The following MTUS1 variants were observed in gnomAD, a reference collection of about 807,000 sequenced individuals.
The protein encoded by MTUS1 is microtubule-associated tumor suppressor 1.
A neutral mutation model predicts 120.8 loss-of-function variants in MTUS1; 109 were observed. The observed-to-expected ratio is 0.90, with a 90% CI of 0.77 to 1.06. The LOEUF (loss-of-function observed/expected upper bound fraction) is 1.06. MTUS1 is among the 50% of genes least tolerant of loss of function. The pLI is 0.00. For synonymous variants in MTUS1, 737 were observed against 550.5 expected (o/e 1.34, Z -4.74); for missense variants, 2,210 against 1,486.3 (o/e 1.49, Z -8.01).
chr8:17,660,464 T>G (rs1405168269), intron 8 of MTUS1, among the ~76,000 whole-genome samples: 2 of 152,196 alleles, frequency 1.3e-5, no homozygotes, highest in Non-Finnish European at 2.9e-5. Context: ...CCTCCACCTT[T>G]GGCTACTGTG....
chr8:17,714,594 A>C (rs1821949235), intron 5 of MTUS1, among the ~76,000 whole-genome samples: 1 of 152,236 alleles, frequency 6.6e-6, no homozygotes, highest in South Asian at 2.1e-4. Context: ...AGCCATTTAA[A>C]GTGAAGAAGC....
In MTUS1 at chr8:17,748,446, CA is replaced by C. The variant is rs371917593; in HGVS notation, c.2092-4648del. On this transcript the variant is annotated intron_variant, in intron 2 of 14. Transcript: ENST00000693296. ...TTGGGACCCACCAACTTTGGGTACC[CA>C]AAAAAGGTTATCACACTGACCCTTT... 3.5e-3 allele frequency among the ~76,000 whole-genome samples: 536 copies of C among 152,220 alleles called. 3 individuals are homozygous for C. Among genetic ancestry groups the C allele is most frequent in the Middle Eastern group, 0.014 (4 of 294 alleles).
At chr8:17,781,865 T>A (rs2131527731) in intron 1 of MTUS1, among the ~76,000 whole-genome samples, 1 of 152,270 alleles carries the variant, frequency 6.6e-6, no homozygotes, top group South Asian at 2.1e-4. Flanking sequence ...TGGCCCTAGA[T>A]AATCATGAGG....
intron 1 of MTUS1, among the ~76,000 whole-genome samples, chr8:17,767,436 G>C (rs747170486): frequency 8.6e-5 from 13 of 151,558 alleles, no homozygotes; most frequent in Non-Finnish European, 1.8e-4. Flanking sequence ...GTGGCTCATA[G>C]CTGTAATCCC....
chr8:17,724,144 AAAGC>A (rs2046043071), intron 3 of MTUS1: 2 of 507,406 alleles, frequency 3.9e-6, no homozygotes, highest in Non-Finnish European at 7.6e-6. Flanking sequence ...TAATCATGAG[AAAGC>A]AGCTTTTGGC....
chr8:17,654,397 G>C lies in MTUS1; in HGVS notation c.3214+164C>G, dbSNP rs945988319. On this transcript the variant is annotated intron_variant, in intron 10 of 14. Coordinates refer to ENST00000693296, the MANE Select transcript of MTUS1 (RefSeq NM_001363059.2). ...TTATTTGCATCCTTAGTGGGAAAAG[G>C]CATCTGTTAACAATAAACCACGCAA... is the stretch of plus-strand genomic sequence containing the variant. 124 of 598,974 alleles carry C rather than the reference G, an allele frequency of 2.1e-4. No individual in the cohort carries two copies. The Admixed American group carries it at 2.5e-3, about 12-fold the overall frequency. The allele number at this position is 598,974 out of a possible 1,614,324, so 37.1% of individuals were successfully genotyped here.
intron 8 of MTUS1, among the ~76,000 whole-genome samples, chr8:17,665,566 G>A (rs902076718): frequency 2.6e-5 from 4 of 152,102 alleles, no homozygotes; most frequent in African/African-American, 4.8e-5. Context: ...TCACCATGTT[G>A]GCAAGGCTGG....
At chr8:17,647,518 C>A (rs1362085526) in intron 13 of MTUS1, among the ~76,000 whole-genome samples, 1 of 152,008 alleles carries the variant, frequency 6.6e-6, no homozygotes, top group South Asian at 2.1e-4. Flanking sequence ...AATTCACAGT[C>A]CCTGGCAACG....
intron 3 of MTUS1, among the ~76,000 whole-genome samples, chr8:17,734,685 G>C (rs1586038775): frequency 6.6e-6 from 1 of 152,216 alleles, no homozygotes; most frequent in Middle Eastern, 3.4e-3. Flanking sequence ...AGACTTAAAG[G>C]TGTTGCTTCA....
At chr8:17,658,674 GGAA>G (rs1808998634) in intron 8 of MTUS1, among the ~76,000 whole-genome samples, 1 of 152,132 alleles carries the variant, frequency 6.6e-6, no homozygotes, top group East Asian at 1.9e-4. Flanking sequence ...AGGAGTTGAA[GGAA>G]GAAGATTATT....
intron 6 of MTUS1, among the ~76,000 whole-genome samples, chr8:17,689,214 A>G (rs932508360): frequency 3.9e-5 from 6 of 151,926 alleles, no homozygotes; most frequent in Non-Finnish European, 8.8e-5. Context: ...CCGTTCTCAA[A>G]AACAAACAAA....
intron 2 of MTUS1, among the ~76,000 whole-genome samples, chr8:17,748,731 G>A (rs999002374): frequency 5.4e-5 from 8 of 148,148 alleles, no homozygotes; most frequent in African/African-American, 1.0e-4. Context: ...TGAGCATGGC[G>A]GGCTGAATGG....
At chr8:17,742,311 T>TTTTTTTTTTA (rs1554516969) in intron 3 of MTUS1, among the ~76,000 whole-genome samples, 8 of 139,632 alleles carry the variant, frequency 5.7e-5, no homozygotes, top group Non-Finnish European at 9.3e-5. Flanking sequence ...TTTTTTTTTT[T>TTTTTTTTTTA]AGAGATAGTG....
Position 17,754,977 on chromosome 8 carries a change from A to C in MTUS1, c.831T>G (p.Asp277Glu). ...SSGKVTSEYT[D>E]GSQQRLVGEK... Reference sequence around the variant, plus strand: ...CTCCAACTAGTCTTTGTTGTGATCCATCTGTGTACTCACTGGTGACCTTTC... The same window carrying C: ...CTCCAACTAGTCTTTGTTGTGATCCCTCTGTGTACTCACTGGTGACCTTTC... Residue 277 changes from aspartate to glutamate, a missense_variant, in exon 2 of 15, where the codon GAT (aspartate) becomes GAG (glutamate). Asp to Glu is a conservative substitution (Grantham distance 45). Coordinates refer to ENST00000693296, the MANE Select transcript of MTUS1 (RefSeq NM_001363059.2). 2 of 1,614,064 alleles carry C rather than the reference A, an allele frequency of 1.2e-6. No individual in the cohort carries two copies. The highest frequency in any genetic ancestry group is 1.7e-6 in the Non-Finnish European group (2 of 1,179,978).
chr8:17,684,675 G>C, intron 6 of MTUS1, 133 bp from the exon 7 acceptor site: 1 of 696,862 alleles, frequency 1.4e-6, no homozygotes, highest in Admixed American at 2.3e-5. Context: ...AATGCATATG[G>C]ATGAGAACTG....
At chr8:17,744,171 G>A (rs947429552) in intron 2 of MTUS1, among the ~76,000 whole-genome samples, 1 of 152,160 alleles carries the variant, frequency 6.6e-6, no homozygotes, top group African/African-American at 2.4e-5. Flanking sequence ...GCCCTGCAAA[G>A]CTGTCTCTTG....
intron 6 of MTUS1, among the ~76,000 whole-genome samples, chr8:17,689,522 T>G (rs147110913): frequency 2.6e-5 from 4 of 152,200 alleles, no homozygotes; most frequent in Admixed American, 2.0e-4. Flanking sequence ...ATTTTCCATA[T>G]AGCTGGCAGG....
chr8:17,700,633 A>G (rs1585793001), intron 6 of MTUS1, among the ~76,000 whole-genome samples: 1 of 152,220 alleles, frequency 6.6e-6, no homozygotes, highest in African/African-American at 2.4e-5. Flanking sequence ...ATGCTCTGGG[A>G]GGTAGAAGAG....
At chr8:17,767,040 C>A (rs2049563784) in intron 1 of MTUS1, among the ~76,000 whole-genome samples, 1 of 151,852 alleles carries the variant, frequency 6.6e-6, no homozygotes. Flanking sequence ...CCATCTTTTC[C>A]TGTTATCATC....
Sources: gnomAD v4.1 joint callset for allele counts (sites outside exome capture counted in the v4.1 genomes callset) on GRCh38, gnomAD v4.1.1 for gene constraint, MANE v1.5 for transcripts, NCBI Gene and HGNC (gene_info 2026-07-23, HGNC 2026-07-21) for gene names.